Variants in DTNA observed in about 807,000 individuals in gnomAD.
The protein encoded by DTNA is dystrobrevin alpha, also known as dystrophin-related protein 3.
In DTNA, 43 loss-of-function variants were observed where a neutral mutation model predicts 100.7. The ratio of observed to expected loss-of-function variants is 0.43; its 90% CI spans 0.33 to 0.55. The LOEUF (loss-of-function observed/expected upper bound fraction) is 0.55, where lower values mean the gene tolerates loss of function less well. Among genes scored for constraint, DTNA ranks in the 20% least tolerant of loss-of-function variants. DTNA has a pLI of 0.04. For missense variants in DTNA, 798 were observed against 953.9 expected (o/e 0.84, Z 2.15); for synonymous variants, 349 against 347.9 (o/e 1.00, Z -0.04).
intron 1 of DTNA, among the ~76,000 whole-genome samples, chr18:34,715,355 A>G (rs2083818754): frequency 6.6e-6 from 1 of 151,892 alleles, no homozygotes; most frequent in Admixed American, 6.6e-5. Flanking sequence ...ACTGGTCTTC[A>G]CTTCATGGTA....
chr18:34,555,280 G>A (rs1345255684), intron 1 of DTNA, among the ~76,000 whole-genome samples: 1 of 146,780 alleles, frequency 6.8e-6, no homozygotes, highest in African/African-American at 2.6e-5. Context: ...TTCTTTATTA[G>A]TCTTGCTAGC....
chr18:34,654,978 C>T (rs1237706489), intron 1 of DTNA, among the ~76,000 whole-genome samples: 3 of 152,124 alleles, frequency 2.0e-5, no homozygotes, highest in Non-Finnish European at 4.4e-5. Context: ...CCACCTGCCT[C>T]GGCCTCCCAA....
chr18:34,733,184 A>G (rs1224903813), intron 1 of DTNA, among the ~76,000 whole-genome samples: 1 of 152,080 alleles, frequency 6.6e-6, no homozygotes, highest in Non-Finnish European at 1.5e-5. Context: ...TCAGTAATGT[A>G]GTGGGGTCTT....
In DTNA at chr18:34,589,982, C is replaced by T. The variant is rs192264151; in HGVS notation, c.-2+96468C>T. Among the ~76,000 whole-genome samples the T allele has an allele frequency of 2.6e-5, 4 of 152,174 alleles. No individual in the cohort carries two copies. The South Asian group carries it at 6.2e-4, about 24-fold the overall frequency. ...GATAAGATTCTGCATATGTATATCA[C>T]AATTTCTGTATTCATTCCTCTGTCA... is the stretch of plus-strand genomic sequence containing the variant. On this transcript the variant is annotated intron_variant, in intron 1 of 19. Transcript: ENST00000283365.
At chr18:34,801,766 C>A (rs1164202879) in intron 4 of DTNA, among the ~76,000 whole-genome samples, 1 of 152,050 alleles carries the variant, frequency 6.6e-6, no homozygotes, top group Admixed American at 6.5e-5. Context: ...ACCTCAGTCT[C>A]CCAAAGTGCT....
chr18:34,579,926 T>C (rs3980415), intron 1 of DTNA, among the ~76,000 whole-genome samples: 15,593 of 152,110 alleles, frequency 0.1, 1,138 homozygotes, highest in African/African-American at 0.2. Context: ...TCCCCGCTAC[T>C]TTTCTGAGGC....
At chr18:34,499,640 T>A (rs1273752956) in intron 1 of DTNA, among the ~76,000 whole-genome samples, 2 of 152,192 alleles carry the variant, frequency 1.3e-5, no homozygotes, top group Non-Finnish European at 2.9e-5. Context: ...TGGCATTTGG[T>A]GTTATTGCTG....
At chr18:34,582,710 C>A (rs1407281534) in intron 1 of DTNA, among the ~76,000 whole-genome samples, 1 of 152,152 alleles carries the variant, frequency 6.6e-6, no homozygotes, top group East Asian at 1.9e-4. Flanking sequence ...ATGTATATAT[C>A]TCTCTAAGTG....
At chr18:34,829,662 G>A (rs968933315) in intron 11 of DTNA, among the ~76,000 whole-genome samples, 173 bp downstream of exon 11, 2 of 152,152 alleles carry the variant, frequency 1.3e-5, no homozygotes, top group Non-Finnish European at 2.9e-5. Flanking sequence ...GGACTTTGCA[G>A]CTCTTTCCTC....
chr18:34,559,812 T>C (rs1054687317), intron 1 of DTNA, among the ~76,000 whole-genome samples: 2 of 152,204 alleles, frequency 1.3e-5, no homozygotes, highest in African/African-American at 2.4e-5. Flanking sequence ...ATCCATTTCT[T>C]TACTAGTAAG....
intron 5 of DTNA, among the ~76,000 whole-genome samples, chr18:34,806,900 C>T (rs1230061698): frequency 6.6e-6 from 1 of 151,546 alleles, no homozygotes; most frequent in Admixed American, 6.6e-5. Context: ...GTTCCTTAAC[C>T]AACGACACAC....
chr18:34,554,838 T>A (rs1474821811), intron 1 of DTNA, among the ~76,000 whole-genome samples: 1 of 150,838 alleles, frequency 6.6e-6, no homozygotes, highest in Non-Finnish European at 1.5e-5. Context: ...AAAATTCTCT[T>A]TTTTGATTGT....
chr18:34,605,633 GCACACACA>G lies in DTNA; in HGVS notation c.-2+112152_-2+112159del, dbSNP rs3078088. Among the ~76,000 whole-genome samples the G allele has an allele frequency of 4.1e-3, 586 of 142,324 alleles. 1 individual carries two copies. The highest frequency in any genetic ancestry group is 0.01 in the African/African-American group (391 of 38,386). 93.4% of individuals were successfully genotyped at this position (142,324 alleles called of 152,430 possible). A position where few individuals can be genotyped will look rare whatever the true frequency, so the allele number is the denominator to read the frequency against. ...GCAAACCATCAAAATTGCAACTCAG[GCACACACA>G]CACACACACACACACACACACACAC... On this transcript the variant is annotated intron_variant, in intron 1 of 19. Transcript: ENST00000283365.
chr18:34,830,466 A>ACTTCAAAGT (rs1313815906), intron 11 of DTNA, among the ~76,000 whole-genome samples: 3 of 152,192 alleles, frequency 2.0e-5, no homozygotes, highest in African/African-American at 7.2e-5. Context: ...AGACACAGGG[A>ACTTCAAAGT]TATAACTTTG....
chr18:34,558,831 A>G (rs2046372457), intron 1 of DTNA, among the ~76,000 whole-genome samples: 1 of 152,234 alleles, frequency 6.6e-6, no homozygotes, highest in African/African-American at 2.4e-5. Context: ...GAGGAACAAC[A>G]GGAGACTGAT....
intron 1 of DTNA, among the ~76,000 whole-genome samples, chr18:34,581,089 C>T (rs1473271296): frequency 6.7e-6 from 1 of 148,994 alleles, no homozygotes; most frequent in African/African-American, 2.5e-5. Context: ...ACTAAAAATA[C>T]AAAAAAAAAA....
At chr18:34,795,238 A>C (rs936600980) in intron 4 of DTNA, among the ~76,000 whole-genome samples, 5 of 152,208 alleles carry the variant, frequency 3.3e-5, no homozygotes, top group African/African-American at 1.2e-4. Context: ...GAGATGTTCC[A>C]GCCAGGCTAA....
intron 1 of DTNA, among the ~76,000 whole-genome samples, chr18:34,495,342 T>C (rs1326915111): frequency 6.6e-6 from 1 of 152,238 alleles, no homozygotes; most frequent in Non-Finnish European, 1.5e-5. Flanking sequence ...TAATTAAAGT[T>C]GCATGTCCTA....
intron 1 of DTNA, among the ~76,000 whole-genome samples, chr18:34,517,657 T>C (rs1187014365): frequency 2.0e-5 from 3 of 152,104 alleles, no homozygotes; most frequent in Admixed American, 6.6e-5. Context: ...TTCATCTCTA[T>C]AATTTTATCA....
Sources: allele counts gnomAD v4.1 joint callset (sites outside exome capture counted in the v4.1 genomes callset), GRCh38; gene constraint gnomAD v4.1.1; transcripts MANE v1.5; gene names NCBI Gene and HGNC (gene_info 2026-07-23, HGNC 2026-07-21).